MTUS2: variants seen among roughly 807,000 people sequenced by gnomAD.
The protein encoded by MTUS2 is microtubule associated scaffold protein 2.
A neutral mutation model predicts 114.1 loss-of-function variants in MTUS2; 40 were observed. The ratio of observed to expected loss-of-function variants is 0.35; its 90% confidence interval spans 0.27 to 0.46. The LOEUF (loss-of-function observed/expected upper bound fraction) is 0.46, where lower values mean the gene tolerates loss of function less well. Among genes scored for constraint, MTUS2 ranks in the 20% least tolerant of loss-of-function variants. The pLI is 1.00. For missense variants in MTUS2, 1,679 were observed against 1,705.4 expected (o/e 0.98, Z 0.27); for synonymous variants, 688 against 672.0 (o/e 1.02, Z -0.37).
chr13:29,046,396 A>G (rs922368267), intron 4 of MTUS2, among the ~76,000 whole-genome samples: 17 of 152,222 alleles, frequency 1.1e-4, no homozygotes, highest in African/African-American at 4.1e-4. Context: ...GATCACAGGC[A>G]TGAATGAGCT....
At chr13:29,212,372 G>T (rs1305116099) in intron 5 of MTUS2, among the ~76,000 whole-genome samples, 1 of 152,032 alleles carries the variant, frequency 6.6e-6, no homozygotes, top group Non-Finnish European at 1.5e-5. Context: ...CACATGTGTG[G>T]GGTTTCCACA....
At chr13:29,397,982 T>C (rs1405050132) in intron 8 of MTUS2, among the ~76,000 whole-genome samples, 1 of 152,120 alleles carries the variant, frequency 6.6e-6, no homozygotes, top group Non-Finnish European at 1.5e-5. Context: ...TGTATGTTTT[T>C]CCAAAAAACA....
At chr13:29,365,217 C>G (rs1206914199) in intron 8 of MTUS2, among the ~76,000 whole-genome samples, 8 of 152,172 alleles carry the variant, frequency 5.3e-5, no homozygotes, top group African/African-American at 1.7e-4. Context: ...ACAGAATCCT[C>G]CAGATATGCC....
chr13:28,951,539 C>G (rs975562296), intron 2 of MTUS2, among the ~76,000 whole-genome samples: 2 of 152,116 alleles, frequency 1.3e-5, no homozygotes, highest in Admixed American at 1.3e-4. Flanking sequence ...TGGCTCACAC[C>G]TGTAATCCCA....
At chr13:29,145,848 A>T (rs186294718) in intron 5 of MTUS2, among the ~76,000 whole-genome samples, 1 of 152,330 alleles carries the variant, frequency 6.6e-6, no homozygotes, top group East Asian at 1.9e-4. Context: ...AAGAATGATG[A>T]GTGTAAATAG....
intron 5 of MTUS2, among the ~76,000 whole-genome samples, chr13:29,136,075 A>ATAAT (rs543288554): frequency 7.7e-4 from 118 of 152,356 alleles, no homozygotes; most frequent in African/African-American, 2.5e-3. Context: ...ACTAGCTTTT[A>ATAAT]TAATTGCCCA....
intron 8 of MTUS2, among the ~76,000 whole-genome samples, chr13:29,401,798 A>G (rs190155150): frequency 2.0e-5 from 3 of 152,308 alleles, no homozygotes; most frequent in African/African-American, 7.2e-5. Flanking sequence ...CGCCATTGTT[A>G]TTTTTGAAAC....
At chr13:29,129,290 T>A (rs566748522) in intron 5 of MTUS2, among the ~76,000 whole-genome samples, 1 of 152,244 alleles carries the variant, frequency 6.6e-6, no homozygotes, top group African/African-American at 2.4e-5. Context: ...AATTCTGTAT[T>A]TCTGTCATTG....
Position 28,882,648 on chromosome 13 carries a change from G to T in MTUS2, c.-243+42798G>T, listed in dbSNP as rs145256789. On this transcript the variant is annotated intron_variant, in intron 2 of 15. Coordinates refer to ENST00000612955, the MANE Select transcript of MTUS2 (RefSeq NM_001033602.4). ...ATTACTCAGGAGGCTGAGGCAAGAA[G>T]CTCACTTGAGCCCAGGAGTTTGAGG... Among the ~76,000 whole-genome samples the T allele has an allele frequency of 3.1e-3, 475 of 152,238 alleles. 3 individuals carry two copies. The highest frequency in any genetic ancestry group is 0.011 in the African/African-American group (461 of 41,538).
chr13:29,147,722 G>A (rs531168212), intron 5 of MTUS2, among the ~76,000 whole-genome samples: 14 of 152,150 alleles, frequency 9.2e-5, no homozygotes, highest in African/African-American at 3.4e-4. Flanking sequence ...AATTCTTTTA[G>A]GATAATGGCC....
intron 2 of MTUS2, among the ~76,000 whole-genome samples, chr13:28,930,660 A>G (rs1205781850): frequency 2.0e-5 from 3 of 152,192 alleles, no homozygotes; most frequent in Non-Finnish European, 2.9e-5. Context: ...TAATAAGATC[A>G]ATGATTTTTA....
rs145617424 is a variant in MTUS2, at chr13:28,889,261, A to T, written c.-243+49411A>T. Among the ~76,000 whole-genome samples the T allele has an allele frequency of 3.4e-3, 512 of 152,294 alleles. 2 individuals carry two copies. The highest frequency in any genetic ancestry group is 0.012 in the African/African-American group (484 of 41,558). On this transcript the variant is annotated intron_variant, in intron 2 of 15. Coordinates refer to ENST00000612955, the MANE Select transcript of MTUS2 (RefSeq NM_001033602.4). ...GTTGGTTCCATTGAAGGGGAAAAAA[A>T]GTTGGAGGCATTTCGGGTTCACTTA...
intron 7 of MTUS2, among the ~76,000 whole-genome samples, chr13:29,349,811 T>C (rs545087518): frequency 4.6e-5 from 7 of 152,184 alleles, no homozygotes; most frequent in Non-Finnish European, 1.0e-4. Context: ...TATCTTTGGT[T>C]TTGAGCAGTT....
chr13:29,302,518 T>C (rs1170244717), intron 6 of MTUS2, among the ~76,000 whole-genome samples: 2 of 152,138 alleles, frequency 1.3e-5, no homozygotes, highest in African/African-American at 2.4e-5. Context: ...CATCCATACA[T>C]ATCCCTAGGA....
At chr13:29,390,459 G>C (rs981873613) in intron 8 of MTUS2, among the ~76,000 whole-genome samples, 19 of 151,642 alleles carry the variant, frequency 1.3e-4, no homozygotes, top group Non-Finnish European at 2.8e-4. Context: ...TTCGAGACCA[G>C]CCTGGCCAAC....
At chr13:28,953,905 A>G (rs1882932543) in intron 2 of MTUS2, among the ~76,000 whole-genome samples, 1 of 152,326 alleles carries the variant, frequency 6.6e-6, no homozygotes. Context: ...CCAAAAACAT[A>G]CTGAAGGGGG....
intron 8 of MTUS2, among the ~76,000 whole-genome samples, chr13:29,376,685 T>G (rs1292865954): frequency 1.3e-5 from 2 of 152,218 alleles, no homozygotes; most frequent in Non-Finnish European, 2.9e-5. Context: ...CTTTGCTTAT[T>G]GTCTATAGCT....
intron 2 of MTUS2, among the ~76,000 whole-genome samples, chr13:29,010,278 A>G (rs955345407): frequency 6.6e-6 from 1 of 151,850 alleles, no homozygotes; most frequent in African/African-American, 2.4e-5. Context: ...CACACGCAGA[A>G]TGCTTCCTCT....
chr13:29,287,187 A>G (rs1898526798), intron 6 of MTUS2, among the ~76,000 whole-genome samples: 1 of 152,182 alleles, frequency 6.6e-6, no homozygotes, highest in African/African-American at 2.4e-5. Context: ...CTTTTCTTAT[A>G]ATAATAGTAT....
Sources: allele counts gnomAD v4.1 joint callset (sites outside exome capture counted in the v4.1 genomes callset), GRCh38; gene constraint gnomAD v4.1.1; transcripts MANE v1.5; gene names NCBI Gene and HGNC (gene_info 2026-07-23, HGNC 2026-07-21).